Variants in C4orf33 observed in about 807,000 individuals in gnomAD.
C4orf33 encodes the protein chromosome 4 open reading frame 33.
Under a neutral mutation model 24.3 loss-of-function variants are expected in C4orf33, and 20 were observed. The observed-to-expected ratio is 0.82, with a 90% CI of 0.58 to 1.19. The LOEUF is 1.19. C4orf33 is among the 50% of genes most tolerant of loss of function. The probability of loss-of-function intolerance (pLI) is 0.00; values close to 1 mark genes in which losing one functional copy is unlikely to be tolerated. For missense variants in C4orf33, 207 were observed against 225.9 expected (o/e 0.92, Z 0.54); for synonymous variants, 67 against 76.4 (o/e 0.88, Z 0.64).
At chr4:129,111,371 C>T (rs1753687698) in intron 5 of C4orf33, among the ~76,000 whole-genome samples, 2 of 152,080 alleles carry the variant, frequency 1.3e-5, no homozygotes, top group Non-Finnish European at 1.5e-5. Flanking sequence ...AAAACATATG[C>T]AAGAGCATAA....
At position 129,109,413 on chromosome 4, in the gene C4orf33, T is replaced by G. The variant is rs1436083866; in HGVS notation, c.294+55T>G. On this transcript the variant is annotated intron_variant, in intron 4 of 5. Transcript: ENST00000425929. ...ATTACGTACACAGTAATACACATATTTCTATGTTTAAAGTGTAAGCCCAAT... is the reference window on the plus strand; with the variant it reads ...ATTACGTACACAGTAATACACATATGTCTATGTTTAAAGTGTAAGCCCAAT... 6 of 1,596,774 alleles carry G rather than the reference T, an allele frequency of 3.8e-6. No individual in the cohort carries two copies. In the Admixed American group the frequency reaches 6.7e-5, roughly 18 times the overall value.
chr4:129,096,947 G>C (rs1345761169), intron 1 of C4orf33, among the ~76,000 whole-genome samples: 2 of 152,278 alleles, frequency 1.3e-5, no homozygotes, highest in East Asian at 3.9e-4. Flanking sequence ...GTCTTGCTCT[G>C]TTGCCAGGCT....
At position 129,096,181 on chromosome 4, in the gene C4orf33, A is replaced by T. The variant is rs1005238217; in HGVS notation, c.-38A>T. The T allele has an allele frequency of 4.6e-5, 7 of 152,244 alleles. No individual in the cohort carries two copies. Among genetic ancestry groups the T allele is most frequent in the African/African-American group, 1.7e-4 (7 of 41,466 alleles). 9.4% of individuals were successfully genotyped at this position (152,244 alleles called of 1,614,324 possible). ...TCTCCTGTGACCTCGGCTGAAAAGAAGAAGCCAGTGTTTGAGAAAAGCTTC... is the reference window on the plus strand; with the variant it reads ...TCTCCTGTGACCTCGGCTGAAAAGATGAAGCCAGTGTTTGAGAAAAGCTTC... On this transcript the variant is annotated 5_prime_UTR_variant, in exon 1 of 6. It adds an upstream start codon to the 5' untranslated region. Coordinates refer to ENST00000425929, the MANE Select transcript of C4orf33 (RefSeq NM_001099783.2).
At chr4:129,100,269 T>G (rs2125799443) in intron 1 of C4orf33, among the ~76,000 whole-genome samples, 1 of 152,104 alleles carries the variant, frequency 6.6e-6, no homozygotes, top group East Asian at 1.9e-4. Flanking sequence ...GGACTACATG[T>G]GGCCCAGGAC....
intron 2 of C4orf33, among the ~76,000 whole-genome samples, chr4:129,106,358 A>G (rs1753517392): frequency 1.3e-5 from 2 of 152,058 alleles, no homozygotes; most frequent in Non-Finnish European, 2.9e-5. Context: ...ACTAGTTTTA[A>G]TTAATCTTTT....
chr4:129,095,482 A>T (rs189993503), upstream of C4orf33, among the ~76,000 whole-genome samples: 1 of 152,352 alleles, frequency 6.6e-6, no homozygotes, highest in East Asian at 1.9e-4. Flanking sequence ...ACAAGGAATG[A>T]CAAGCAGAAA....
At chr4:129,098,959 G>A (rs907821196) in intron 1 of C4orf33, among the ~76,000 whole-genome samples, 1 of 151,970 alleles carries the variant, frequency 6.6e-6, no homozygotes, top group South Asian at 2.1e-4. Flanking sequence ...GATCACTTTT[G>A]TTGCCATCTT....
rs945103986 is a variant in C4orf33, at chr4:129,116,559, T to G, written c.*4768T>G. 1 of 152,206 alleles carries G rather than the reference T, an allele frequency of 6.6e-6. No homozygotes were observed. Among genetic ancestry groups the G allele is most frequent in the Non-Finnish European group, 1.5e-5 (1 of 68,020 alleles). 9.4% of individuals were successfully genotyped at this position (152,206 alleles called of 1,614,324 possible). A position where few individuals can be genotyped will look rare whatever the true frequency, so the allele number is the denominator to read the frequency against. On this transcript the variant is annotated 3_prime_UTR_variant, in exon 6 of 6. Transcript: ENST00000425929. ...ACCTAGAGTATATATTTTGAAGAGA[T>G]AGCTTTGCTGAAATAGAAAACCAAA...
At position 129,116,437 on chromosome 4, in the gene C4orf33, T is replaced by G. The variant is rs1035280264; in HGVS notation, c.*4646T>G. On this transcript the variant is annotated 3_prime_UTR_variant, in exon 6 of 6. Transcript: ENST00000425929. ...GGTTTAGTAAAAATTTATTTTCTTTTGGCAGCCTATCACCTGTAATTTCCG... is the reference window on the plus strand; with the variant it reads ...GGTTTAGTAAAAATTTATTTTCTTTGGGCAGCCTATCACCTGTAATTTCCG... 15 of 152,336 alleles carry G rather than the reference T, an allele frequency of 9.8e-5. No individual in the cohort carries two copies. Among genetic ancestry groups the G allele is most frequent in the African/African-American group, 3.4e-4 (14 of 41,584 alleles). 9.4% of individuals were successfully genotyped at this position (152,336 alleles called of 1,614,324 possible).
At chr4:129,096,876 C>A (rs899305697) in intron 1 of C4orf33, among the ~76,000 whole-genome samples, 7 of 152,138 alleles carry the variant, frequency 4.6e-5, no homozygotes, top group African/African-American at 1.4e-4. Context: ...AGCCACCATA[C>A]TCTTTTTAAG....
intron 3 of C4orf33, among the ~76,000 whole-genome samples, chr4:129,107,815 T>G (rs1173695250): frequency 6.6e-6 from 1 of 152,052 alleles, no homozygotes; most frequent in African/African-American, 2.4e-5. Context: ...TATCCTAAAA[T>G]TTTGCCCTTA....
At chr4:129,098,708 T>C (rs1441478207) in intron 1 of C4orf33, among the ~76,000 whole-genome samples, 1 of 152,188 alleles carries the variant, frequency 6.6e-6, no homozygotes, top group African/African-American at 2.4e-5. Context: ...CATGAATTGT[T>C]GGCCAGCTGT....
intron 2 of C4orf33, among the ~76,000 whole-genome samples, chr4:129,104,959 AGTGTGTGT>A (rs59872290): frequency 2.1e-4 from 32 of 149,256 alleles, no homozygotes; most frequent in East Asian, 1.8e-3. Flanking sequence ...TGTGCATCTG[AGTGTGTGT>A]GTGTGTGTGT....
chr4:129,099,525 C>CA (rs35874575), intron 1 of C4orf33, among the ~76,000 whole-genome samples: 23,260 of 152,146 alleles, frequency 0.15, 1,872 homozygotes, highest in South Asian at 0.21. Context: ...ATTCACTCAA[C>CA]AAATAAATAG....
intron 1 of C4orf33, among the ~76,000 whole-genome samples, chr4:129,098,377 G>T (rs1753261380): frequency 6.6e-6 from 1 of 152,022 alleles, no homozygotes; most frequent in South Asian, 2.1e-4. Context: ...TTATGTCCAT[G>T]AGTACCTACT....
chr4:129,109,509 G>A lies in C4orf33; in HGVS notation c.331G>A (p.Glu111Lys). 6.2e-7 allele frequency: 1 copy of A among 1,613,852 alleles called. No individual in the cohort carries two copies. The highest frequency in any genetic ancestry group is 8.5e-7 in the Non-Finnish European group (1 of 1,179,764). ...LPLSFRMSRG[E>K]TKWEGKAYLP... is the part of the protein sequence containing the mutation. Reference sequence around the variant, plus strand: ...TTTATCGTTCAGAATGTCCAGAGGAGAGACAAAATGGGAAGGCAAAGCTTA... The same window carrying A: ...TTTATCGTTCAGAATGTCCAGAGGAAAGACAAAATGGGAAGGCAAAGCTTA... The change falls in exon 5 of 6, where the codon GAG becomes AAG. Residue 111 changes from glutamate to lysine, a missense_variant. Physicochemically the swap from Glu to Lys is moderately conservative, Grantham distance 56. Transcript: ENST00000425929.
chr4:129,108,654 C>T (rs558528143), intron 3 of C4orf33, among the ~76,000 whole-genome samples: 9 of 152,218 alleles, frequency 5.9e-5, no homozygotes, highest in South Asian at 2.1e-4. Flanking sequence ...TTTTGAAACT[C>T]GTTTTATAAA....
chr4:129,094,354 A>G (rs1753109914), upstream of C4orf33, among the ~76,000 whole-genome samples: 1 of 152,216 alleles, frequency 6.6e-6, no homozygotes, highest in Non-Finnish European at 1.5e-5. Flanking sequence ...ACTAGCAACA[A>G]AAATGTTAAC....
rs148975614 is a variant in C4orf33 at position 129,113,156 on chromosome 4, A to G, written c.*1365A>G. The stretch of plus-strand genomic sequence containing the variant: ...ATATGGATAAAAATGAAGCACAAAT[A>G]TGATAGATACAATCACAACAATATA... On this transcript the variant is annotated 3_prime_UTR_variant, in exon 6 of 6. Transcript: ENST00000425929. 5 of 152,282 alleles carry G rather than the reference A, an allele frequency of 3.3e-5. No homozygotes were observed. Among genetic ancestry groups the G allele is most frequent in the African/African-American group, 1.2e-4 (5 of 41,586 alleles). 9.4% of individuals were successfully genotyped at this position (152,282 alleles called of 1,614,324 possible).
Sources: allele counts gnomAD v4.1 joint callset (sites outside exome capture counted in the v4.1 genomes callset), GRCh38; gene constraint gnomAD v4.1.1; transcripts MANE v1.5; gene names NCBI Gene and HGNC (gene_info 2026-07-23, HGNC 2026-07-21).